Variants in GRK4 observed in about 807,000 individuals in gnomAD.
GRK4 encodes the protein G protein-coupled receptor kinase 2-like.
A neutral mutation model predicts 77.9 loss-of-function variants in GRK4; 73 were observed. That is an observed-to-expected ratio of 0.94 (90% CI 0.78 to 1.14). The LOEUF (loss-of-function observed/expected upper bound fraction) is 1.14, where lower values mean the gene tolerates loss of function less well. GRK4 is among the 50% of genes most tolerant of loss of function. The pLI is 0.00. For synonymous variants in GRK4, 257 were observed against 254.4 expected, an observed-to-expected ratio of 1.01 and a Z score of -0.10; for missense variants, 729 against 700.2, an observed-to-expected ratio of 1.04 and a Z score of -0.46.
rs74865681 is a variant in GRK4, at chr4:3,022,528, A to G, written c.970+77A>G. ...TGGATACAGAAAGTTGGATGCAGAA[A>G]GTGGACTTAATGATTAGGAGAGAAT... is the stretch of plus-strand genomic sequence containing the variant. On this transcript the variant is annotated intron_variant, in intron 10 of 15. Transcript: ENST00000398052. 32,433 of 1,285,496 alleles carry G rather than the reference A, an allele frequency of 0.025. 498 individuals are homozygous for G. The highest frequency in any genetic ancestry group is 0.04 in the Middle Eastern group (218 of 5,398). 79.6% of individuals were successfully genotyped at this position (1,285,496 alleles called of 1,614,324 possible).
In GRK4 at chr4:2,965,167, T is replaced by C. The variant is rs372493609; in HGVS notation, c.52+1045T>C. On this transcript the variant is annotated intron_variant, in intron 1 of 15. Coordinates refer to ENST00000398052, the MANE Select transcript of GRK4 (RefSeq NM_182982.3). ...AGTCTTTGTTCAAGGCTCAGCTTTT[T>C]GGATGTGAATCCACTGAGCTGGTGC... 84 of 640,506 alleles carry C rather than the reference T, an allele frequency of 1.3e-4. 1 individual carries two copies. The highest frequency in any genetic ancestry group is 1.2e-3 in the East Asian group (43 of 36,604). The allele number at this position is 640,506 out of a possible 1,614,324, so 39.7% of individuals were successfully genotyped here.
At chr4:2,974,676 T>A (rs1017937042) in intron 1 of GRK4, among the ~76,000 whole-genome samples, 3 of 152,178 alleles carry the variant, frequency 2.0e-5, no homozygotes, top group Admixed American at 6.5e-5. Context: ...CCGTTTTTGG[T>A]TGTTTTTTAT....
intron 13 of GRK4, among the ~76,000 whole-genome samples, chr4:3,036,786 A>G (rs1261275262): frequency 1.3e-5 from 2 of 152,166 alleles, no homozygotes; most frequent in African/African-American, 2.4e-5. Flanking sequence ...GTGGACCTGC[A>G]GGAGGATGGG....
intron 4 of GRK4, among the ~76,000 whole-genome samples, chr4:2,995,751 T>A (rs568339596): frequency 1.3e-5 from 2 of 152,110 alleles, no homozygotes; most frequent in East Asian, 3.9e-4. Flanking sequence ...CCTTGGGAAG[T>A]GCTCTACTGG....
chr4:2,984,126 G>C (rs1466968768), intron 1 of GRK4, among the ~76,000 whole-genome samples: 1 of 152,272 alleles, frequency 6.6e-6, no homozygotes, highest in East Asian at 1.9e-4. Flanking sequence ...AGAATGCGAG[G>C]GAGGGACTTG....
At chr4:2,985,379 G>C (rs1334556451) in intron 2 of GRK4, among the ~76,000 whole-genome samples, 2 of 147,104 alleles carry the variant, frequency 1.4e-5, no homozygotes, top group Admixed American at 6.8e-5. Context: ...CCAGCCTGGG[G>C]AACAGAGCAA....
chr4:2,975,027 G>A (rs1299869001), intron 1 of GRK4, among the ~76,000 whole-genome samples: 1 of 152,188 alleles, frequency 6.6e-6, no homozygotes, highest in East Asian at 1.9e-4. Context: ...GAATGAGGCC[G>A]GGCGCGGTGG....
intron 5 of GRK4, among the ~76,000 whole-genome samples, chr4:3,004,539 T>A (rs1312334889): frequency 6.6e-6 from 1 of 152,190 alleles, no homozygotes; most frequent in Non-Finnish European, 1.5e-5. Context: ...AAAGCTTAAC[T>A]ACCATTAGCC....
intron 1 of GRK4, among the ~76,000 whole-genome samples, chr4:2,967,695 G>A (rs1283943043): frequency 2.6e-5 from 4 of 152,044 alleles, no homozygotes; most frequent in African/African-American, 9.7e-5. Context: ...CACTGCACCC[G>A]GCCCGTATTG....
intron 8 of GRK4, 92 bp downstream of exon 8, chr4:3,013,920 C>T (rs1305914264): frequency 9.0e-6 from 12 of 1,334,882 alleles, no homozygotes; most frequent in East Asian, 5.0e-5. Flanking sequence ...TCACTGAAGC[C>T]GTGGAAGTCA....
chr4:2,980,651 GCAT>G (rs1722623226), intron 1 of GRK4, among the ~76,000 whole-genome samples: 4 of 152,120 alleles, frequency 2.6e-5, no homozygotes, highest in Non-Finnish European at 4.4e-5. Flanking sequence ...CCTGGGTAAT[GCAT>G]CCAGCCTACC....
intron 1 of GRK4, among the ~76,000 whole-genome samples, chr4:2,977,366 T>C (rs1383148032): frequency 1.3e-5 from 2 of 152,174 alleles, no homozygotes; most frequent in African/African-American, 4.8e-5. Flanking sequence ...GAACTAAATG[T>C]GTTGCTGCTA....
intron 5 of GRK4, among the ~76,000 whole-genome samples, chr4:3,007,242 G>A (rs532126888): frequency 6.6e-6 from 1 of 152,176 alleles, no homozygotes; most frequent in African/African-American, 2.4e-5. Context: ...ATAAATACTT[G>A]GAAGTATTAA....
At chr4:2,988,496 G>T (rs1005912434) in intron 2 of GRK4, among the ~76,000 whole-genome samples, 3 of 152,206 alleles carry the variant, frequency 2.0e-5, no homozygotes, top group East Asian at 3.9e-4. Flanking sequence ...GCCTGAACCC[G>T]GGAGGCAGAG....
At position 3,037,401 on chromosome 4, in the gene GRK4, CTGGA is replaced by C. The variant is rs1200797678; in HGVS notation, c.1437_1440del (p.Asp480SerfsTer7). On this transcript the variant is annotated frameshift_variant, in exon 14 of 16. Coordinates refer to ENST00000398052, the MANE Select transcript of GRK4 (RefSeq NM_182982.3). LOFTEE classifies it high-confidence loss of function. Reference sequence around the variant, plus strand: ...TCATGCCGTTTACTGTAAGGACGTCCTGGATATCGAGCAGTTCTCGGTGGTGAAA... The same window carrying C: ...TCATGCCGTTTACTGTAAGGACGTCCTATCGAGCAGTTCTCGGTGGTGAAA... 7 of 1,607,714 alleles carry C rather than the reference CTGGA, an allele frequency of 4.4e-6. No homozygotes were observed. Among genetic ancestry groups the C allele is most frequent in the Non-Finnish European group, 6.0e-6 (7 of 1,175,078 alleles).
At chr4:2,967,564 A>AT (rs1193862776) in intron 1 of GRK4, among the ~76,000 whole-genome samples, 1 of 151,222 alleles carries the variant, frequency 6.6e-6, no homozygotes, top group Admixed American at 6.6e-5. Context: ...TTCCCGGCTA[A>AT]TTTTTTGTAT....
At chr4:2,975,624 G>A (rs1720896802) in intron 1 of GRK4, among the ~76,000 whole-genome samples, 1 of 152,076 alleles carries the variant, frequency 6.6e-6, no homozygotes, top group South Asian at 2.1e-4. Context: ...CCTTGAGCCG[G>A]CTAACATGGA....
chr4:3,019,020 G>T (rs1365433764), intron 8 of GRK4, among the ~76,000 whole-genome samples: 1 of 152,044 alleles, frequency 6.6e-6, no homozygotes, highest in Non-Finnish European at 1.5e-5. Context: ...CAGAATCCCA[G>T]CAGGGTGTGT....
At chr4:2,965,691 C>A (rs1717435313) in intron 1 of GRK4, 1 of 532,006 alleles carries the variant, frequency 1.9e-6, no homozygotes, top group Non-Finnish European at 3.4e-6. Flanking sequence ...AAGTCTAAAA[C>A]AAAGACTTCA....
Sources: gnomAD v4.1 joint callset for allele counts (sites outside exome capture counted in the v4.1 genomes callset) on GRCh38, gnomAD v4.1.1 for gene constraint, MANE v1.5 for transcripts, NCBI Gene and HGNC (gene_info 2026-07-23, HGNC 2026-07-21) for gene names.